The following COG5 variants were observed in gnomAD, a reference collection of about 807,000 sequenced individuals.
The protein encoded by COG5 is conserved oligomeric Golgi complex subunit 5.
In COG5, 86 loss-of-function variants were observed where a neutral mutation model predicts 110.4. The observed-to-expected ratio is 0.78, with a 90% CI of 0.65 to 0.93. The LOEUF (loss-of-function observed/expected upper bound fraction) is 0.93. Among genes scored for constraint, COG5 ranks in the 40% least tolerant of loss-of-function variants. COG5 has a pLI of 0.00. For missense variants in COG5, 1,077 were observed against 987.0 expected (o/e 1.09, Z -1.22); for synonymous variants, 360 against 334.6 (o/e 1.08, Z -0.83).
intron 21 of COG5, among the ~76,000 whole-genome samples, chr7:107,203,907 A>G (rs944860654): frequency 6.6e-6 from 1 of 152,048 alleles, no homozygotes. Context: ...GGCTGTGTAA[A>G]TATGTTCTCA....
intron 10 of COG5, among the ~76,000 whole-genome samples, chr7:107,352,435 T>G (rs935900203): frequency 6.7e-6 from 1 of 149,712 alleles, no homozygotes; most frequent in African/African-American, 2.5e-5. Flanking sequence ...GTTGTGTACA[T>G]GTACCCTAAA....
chr7:107,557,345 G>A (rs953955820), intron 2 of COG5, among the ~76,000 whole-genome samples: 28 of 152,050 alleles, frequency 1.8e-4, no homozygotes, highest in African/African-American at 4.6e-4. Flanking sequence ...CCATAAAATC[G>A]CCCTATAAAA....
intron 8 of COG5, among the ~76,000 whole-genome samples, chr7:107,368,598 G>C (rs1458658360): frequency 6.6e-6 from 1 of 152,048 alleles, no homozygotes; most frequent in Non-Finnish European, 1.5e-5. Context: ...TTTTTAAAAA[G>C]CATGTATCTT....
At chr7:107,541,265 T>C (rs1050103787) in intron 5 of COG5, among the ~76,000 whole-genome samples, 2 of 148,778 alleles carry the variant, frequency 1.3e-5, no homozygotes, top group East Asian at 4.0e-4. Flanking sequence ...GGGAGGCCAA[T>C]ACAGGTGGAA....
At position 107,544,013 on chromosome 7, in the gene COG5, C is replaced by A. The variant is rs112278583; in HGVS notation, c.417+4098G>T. Among the ~76,000 whole-genome samples the A allele has an allele frequency of 6.6e-5, 10 of 152,278 alleles. 3 individuals carry two copies. Among genetic ancestry groups the A allele is most frequent in the African/African-American group, 2.4e-4 (10 of 41,568 alleles). The stretch of plus-strand genomic sequence containing the variant: ...AGCCCTTGCAGACCCAGCCTCCAGG[C>A]CAGCACTCACTCACCCAGCCTCTAG... On this transcript the variant is annotated intron_variant, in intron 5 of 21. Transcript: ENST00000297135.
At chr7:107,228,263 C>G (rs890937676) in intron 19 of COG5, among the ~76,000 whole-genome samples, 5 of 146,796 alleles carry the variant, frequency 3.4e-5, no homozygotes, top group Admixed American at 6.9e-5. Flanking sequence ...ATGGAGATCG[C>G]ACCACTGCAC....
intron 10 of COG5, among the ~76,000 whole-genome samples, chr7:107,360,229 TCTCC>T (rs1331972467): frequency 2.4e-4 from 37 of 152,228 alleles, no homozygotes; most frequent in African/African-American, 8.7e-4. Flanking sequence ...GCAGGTCACC[TCTCC>T]ACTAAGAGCT....
At chr7:107,312,140 A>T (rs760276829) in intron 11 of COG5, among the ~76,000 whole-genome samples, 4 of 151,996 alleles carry the variant, frequency 2.6e-5, no homozygotes, top group Non-Finnish European at 5.9e-5. Flanking sequence ...TGTTTGTTTT[A>T]TAAAAGTATT....
intron 6 of COG5, among the ~76,000 whole-genome samples, chr7:107,442,535 C>T (rs529856961): frequency 6.6e-6 from 1 of 150,426 alleles, no homozygotes; most frequent in African/African-American, 2.4e-5. Context: ...TAAACATCAG[C>T]CCAACAGTAT....
intron 6 of COG5, among the ~76,000 whole-genome samples, chr7:107,414,631 T>G (rs1016204356): frequency 1.3e-5 from 2 of 150,394 alleles, no homozygotes; most frequent in Admixed American, 6.7e-5. Context: ...AACCTCTGGC[T>G]TCACACTGAC....
chr7:107,389,729 G>A (rs776156524), intron 7 of COG5, among the ~76,000 whole-genome samples: 35 of 152,030 alleles, frequency 2.3e-4, no homozygotes, highest in Admixed American at 1.6e-3. Flanking sequence ...TCATTGCCAC[G>A]TCCCATTCCC....
intron 14 of COG5, among the ~76,000 whole-genome samples, chr7:107,262,037 T>C (rs1803399686): frequency 6.6e-6 from 1 of 151,920 alleles, no homozygotes; most frequent in Non-Finnish European, 1.5e-5. Flanking sequence ...ATTACAGTCA[T>C]GCGTCACCAT....
At chr7:107,222,164 C>T (rs1230677744) in intron 19 of COG5, among the ~76,000 whole-genome samples, 4 of 151,752 alleles carry the variant, frequency 2.6e-5, no homozygotes, top group Admixed American at 2.6e-4. Flanking sequence ...AGAACCAGCT[C>T]ATTTTAAAAT....
At chr7:107,235,743 T>C (rs915875931) in intron 18 of COG5, among the ~76,000 whole-genome samples, 3 of 152,208 alleles carry the variant, frequency 2.0e-5, no homozygotes, top group African/African-American at 7.2e-5. Flanking sequence ...TATACAAAAA[T>C]AACAATCATC....
chr7:107,246,915 C>A (rs1042133268), intron 17 of COG5, among the ~76,000 whole-genome samples: 2 of 152,192 alleles, frequency 1.3e-5, no homozygotes, highest in African/African-American at 4.8e-5. Context: ...AAAACATATG[C>A]ATGTGCATGT....
intron 5 of COG5, among the ~76,000 whole-genome samples, chr7:107,536,298 G>T (rs996267979): frequency 6.6e-6 from 1 of 152,078 alleles, no homozygotes; most frequent in African/African-American, 2.4e-5. Context: ...AGAAATAAAG[G>T]GTATTCAAAT....
chr7:107,558,914 C>CAAA (rs34483652), intron 1 of COG5, among the ~76,000 whole-genome samples: 43 of 31,114 alleles, frequency 1.4e-3, no homozygotes, highest in East Asian at 2.0e-3. Flanking sequence ...GACTTCATCT[C>CAAA]AAAAAAAAAA....
chr7:107,388,181 C>T (rs1391010109), intron 7 of COG5, among the ~76,000 whole-genome samples: 1 of 152,166 alleles, frequency 6.6e-6, no homozygotes, highest in Non-Finnish European at 1.5e-5. Flanking sequence ...AATCTCCACA[C>T]GTGTTAACCC....
chr7:107,545,449 T>A (rs944120544), intron 5 of COG5, among the ~76,000 whole-genome samples: 18 of 152,136 alleles, frequency 1.2e-4, no homozygotes, highest in Admixed American at 1.1e-3. Context: ...AGAAATCTTA[T>A]AAGCCAGGAG....
Sources: allele counts gnomAD v4.1 joint callset (sites outside exome capture counted in the v4.1 genomes callset), GRCh38; gene constraint gnomAD v4.1.1; transcripts MANE v1.5; gene names NCBI Gene and HGNC (gene_info 2026-07-23, HGNC 2026-07-21).